PLXNA3: variants seen among roughly 807,000 people sequenced by gnomAD.
PLXNA3 encodes the protein plexin-A3.
PLXNA3 carries 52 observed loss-of-function variants against 118.8 expected under a neutral mutation model. The ratio of observed to expected loss-of-function variants is 0.44; its 90% CI spans 0.35 to 0.55. The LOEUF is 0.55. Ranked by LOEUF, PLXNA3 falls within the 20% of genes least tolerant of loss-of-function variation. The probability of loss-of-function intolerance (pLI) is 0.01; values close to 1 mark genes in which losing one functional copy is unlikely to be tolerated. For missense variants in PLXNA3, 1,660 were observed against 1,730.8 expected (o/e 0.96, Z 0.73); for synonymous variants, 925 against 762.4 (o/e 1.21, Z -3.51).
chrX:154,463,119 TCA>T (rs2069005223), intron 4 of PLXNA3, among the ~76,000 whole-genome samples: 1 of 111,397 alleles, frequency 9.0e-6, no homozygotes, highest in African/African-American at 3.3e-5. Context: ...CGCCACTACC[TCA>T]TTCTCCTAAT....
Position 154,463,487 on chromosome X carries a change from C to T in PLXNA3, c.1414C>T (p.His472Tyr), listed in dbSNP as rs781894603. 2.5e-6 allele frequency: 3 copies of T among 1,208,016 alleles called. No homozygotes were observed. The highest frequency in any genetic ancestry group is 3.4e-6 in the Non-Finnish European group (3 of 894,594). The change falls in exon 5 of 33, where the codon CAC (histidine) becomes TAC (tyrosine). Residue 472 changes from histidine to tyrosine, a missense_variant. Transcript: ENST00000369682. The part of the protein sequence containing the change: ...ILRDLLFSPD[H>Y]RHIYLLSEKQ... ...CCGAGACCTGCTCTTCAGCCCGGAC[C>T]ACCGGCACATCTATCTCCTGAGTGA...
rs1557206410 is a variant in PLXNA3 at position 154,464,873 on chromosome X, G to A, written c.2043+5G>A. On this transcript the variant is annotated splice_donor_5th_base_variant and intron_variant, in intron 10 of 32. Transcript: ENST00000369682. Reference sequence around the variant, plus strand: ...GGCAGGGTCCACAGCCCTGAGGTGAGGCGGGCGCCGCATGTGAGGGGCTGG... The same window carrying A: ...GGCAGGGTCCACAGCCCTGAGGTGAAGCGGGCGCCGCATGTGAGGGGCTGG... 1 of 1,161,085 alleles carries A rather than the reference G, an allele frequency of 8.6e-7. No individual in the cohort carries two copies. The highest frequency in any genetic ancestry group is 1.2e-6 in the Non-Finnish European group (1 of 857,725).
At position 154,460,121 on chromosome X, in the gene PLXNA3, C is replaced by G. The variant is rs1013943546; in HGVS notation, c.-27-36C>G. On this transcript the variant is annotated intron_variant, in intron 1 of 32. Coordinates refer to ENST00000369682, the MANE Select transcript of PLXNA3 (RefSeq NM_017514.5). ...GTGAATGGCCCAGCCCTCTGTGGCT[C>G]GAGGCCTCTGACTCCCACACACCGT... 3.0e-4 allele frequency: 234 copies of G among 790,423 alleles called. No individual in the cohort carries two copies. In the African/African-American group the frequency reaches 4.3e-3, roughly 15 times the overall value. The allele number at this position is 790,423 out of a possible 1,213,427, so 65.1% of individuals were successfully genotyped here.
chrX:154,465,836 C>T lies in PLXNA3; in HGVS notation c.2521C>T (p.Arg841Cys), dbSNP rs782496931. The change falls in exon 13 of 33, where the codon CGC becomes TGC. Residue 841 changes from arginine (R) to cysteine (C), a missense_variant. By Grantham distance (180) the Arg-to-Cys change is radical. Transcript: ENST00000369682. ...SQKGTRCSHPRITQIHPLVGP... is the reference protein window; with the variant it reads ...SQKGTRCSHPCITQIHPLVGP... ...GAAGGGCACCCGGTGCAGCCACCCC[C>T]GCATCACGCAGGTCAGCCTCCCTCA... is the stretch of plus-strand genomic sequence containing the variant. 1.5e-5 allele frequency: 18 copies of T among 1,204,738 alleles called. No homozygotes were observed. The East Asian group carries it at 4.2e-4, about 28-fold the overall frequency.
At chrX:154,459,481 G>C in intron 1 of PLXNA3, among the ~76,000 whole-genome samples, 1 of 112,683 alleles carries the variant, frequency 8.9e-6, no homozygotes, top group African/African-American at 3.2e-5. Flanking sequence ...CCTGGGTCTG[G>C]AGGGGGAGCC....
chrX:154,468,325 C>T lies in PLXNA3; in HGVS notation c.3986C>T (p.Ala1329Val). The T allele has an allele frequency of 1.7e-6, 2 of 1,208,163 alleles. No individual in the cohort carries two copies. The highest frequency in any genetic ancestry group is 2.2e-6 in the Non-Finnish European group (2 of 893,978). ...CAGACGCCACCCAACGTGGAGAAGG[C>T]CCTGCGCCTCTTCGGGCAGCTGCTG... ...ELDTPPNVEK[A>V]LRLFGQLLHS... Residue 1329 changes from alanine to valine, a missense_variant, in exon 23 of 33, where the codon GCC becomes GTC. Around this residue, in one of 2 missense-constraint regions of PLXNA3, gnomAD observed 869 missense variants for 1,078.7 expected, o/e 0.81. Transcript: ENST00000369682.
chrX:154,467,394 T>G lies in PLXNA3; in HGVS notation c.3364T>G (p.Tyr1122Asp). 1 of 1,202,210 alleles carries G rather than the reference T, an allele frequency of 8.3e-7. No individual in the cohort carries two copies. The highest frequency in any genetic ancestry group is 1.1e-6 in the Non-Finnish European group (1 of 894,857). Residue 1122 changes from tyrosine (Y) to aspartate (D), a missense_variant, in exon 19 of 33, where the codon TAC becomes GAC. By Grantham distance (160) the Tyr-to-Asp change is radical. This residue lies in a region of PLXNA3 where 869 missense variants were observed against 1,078.7 expected (regional missense o/e 0.81). Coordinates refer to ENST00000369682, the MANE Select transcript of PLXNA3 (RefSeq NM_017514.5). ...RSLNRSSFTY[Y>D]PDPSFEPLGP... is the part of the protein sequence containing the mutation. ...CCTCAACCGCTCCTCCTTTACCTAC[T>G]ACCCTGATCCCAGCTTTGAGCCGCT...
chrX:154,460,845 C>G (rs910929374), intron 2 of PLXNA3, 68 bp downstream of exon 2: 4 of 853,152 alleles, frequency 4.7e-6, no homozygotes, highest in Non-Finnish European at 6.5e-6. Context: ...GAGCCCTGTT[C>G]TTTCTGAGAG....
intron 8 of PLXNA3, 25 bp from the exon 9 acceptor site, chrX:154,464,377 C>G: frequency 8.3e-7 from 1 of 1,204,264 alleles, no homozygotes; most frequent in Non-Finnish European, 1.1e-6. Context: ...CCAGCGAGTT[C>G]ACGGCCACCC....
chrX:154,468,609 CCCCCTGTCCAAGCCCCA>C (rs1569554640), intron 23 of PLXNA3, 37 bp from the exon 24 acceptor site: 1 of 1,207,286 alleles, frequency 8.3e-7, no homozygotes, highest in Non-Finnish European at 1.1e-6. Context: ...CCTGGGCCTG[CCCCCTGTCCAAGCCCCA>C]CCCCTGCCAG....
At chrX:154,459,265 C>T (rs980645902) in intron 1 of PLXNA3, among the ~76,000 whole-genome samples, 2 of 109,619 alleles carry the variant, frequency 1.8e-5, no homozygotes, top group Non-Finnish European at 3.8e-5. Context: ...TTGGCTGCCA[C>T]GACACTGCTC....
At position 154,467,365 on chromosome X, in the gene PLXNA3, G is replaced by T; in HGVS notation, c.3335G>T (p.Arg1112Leu). ...GFLLDHVQTARSLNRSSFTYY... is the reference protein window; with the variant it reads ...GFLLDHVQTALSLNRSSFTYY... ...CTGCTGGACCACGTGCAAACGGCCC[G>T]CTCCCTCAACCGCTCCTCCTTTACC... Residue 1112 changes from arginine to leucine, a missense_variant, in exon 19 of 33, where the codon CGC becomes CTC. Around this residue, in one of 2 missense-constraint regions of PLXNA3, gnomAD observed 869 missense variants for 1,078.7 expected, o/e 0.81. Transcript: ENST00000369682. 1 of 1,204,371 alleles carries T rather than the reference G, an allele frequency of 8.3e-7. No individual in the cohort carries two copies. Among genetic ancestry groups the T allele is most frequent in the Non-Finnish European group, 1.1e-6 (1 of 895,351 alleles).
intron 2 of PLXNA3, 22 bp from the exon 3 acceptor site, chrX:154,461,077 G>C (rs201003572): frequency 9.4e-6 from 11 of 1,173,274 alleles, no homozygotes; most frequent in South Asian, 1.9e-5. Flanking sequence ...ACCGGATGCT[G>C]TCTCCTCCCC....
Position 154,465,521 on chromosome X carries a change from G to C in PLXNA3, c.2341+1G>C. On this transcript the variant is annotated splice_donor_variant, in intron 12 of 32. Coordinates refer to ENST00000369682, the MANE Select transcript of PLXNA3 (RefSeq NM_017514.5). LOFTEE classifies it high-confidence loss of function. ...ATAGACAAGCCTCCCAGCTTCCGAG[G>C]TGAAGGCATGGGCCAGGGAGCTTCC... 1 of 1,195,425 alleles carries C rather than the reference G, an allele frequency of 8.4e-7. No homozygotes were observed. Among genetic ancestry groups the C allele is most frequent in the Non-Finnish European group, 1.1e-6 (1 of 880,806 alleles).
intron 3 of PLXNA3, among the ~76,000 whole-genome samples, chrX:154,461,908 G>C (rs1334184867): frequency 2.7e-5 from 3 of 112,186 alleles, no homozygotes; most frequent in Non-Finnish European, 5.6e-5. Flanking sequence ...GAGCCAACAA[G>C]AGTCTTGTGG....
chrX:154,464,631 C>G lies in PLXNA3; in HGVS notation c.1929-123C>G, dbSNP rs781920536. ...GTCAGGCCCTGATAGCCCCTGACAT[C>G]CCCACATCTCTCTGTCCCCTGATAT... On this transcript the variant is annotated intron_variant, in intron 9 of 32. Transcript: ENST00000369682. 135 of 683,896 alleles carry G rather than the reference C, an allele frequency of 2.0e-4. 1 individual carries two copies. Among genetic ancestry groups the G allele is most frequent in the Non-Finnish European group, 2.7e-4 (123 of 451,197 alleles). 56.4% of individuals were successfully genotyped at this position (683,896 alleles called of 1,213,427 possible). A position where few individuals can be genotyped will look rare whatever the true frequency, so the allele number is the denominator to read the frequency against.
chrX:154,462,056 C>G, intron 3 of PLXNA3, 72 bp from the exon 4 acceptor site: 1 of 908,978 alleles, frequency 1.1e-6, no homozygotes, highest in East Asian at 3.3e-5. Flanking sequence ...TCTTCTGGGA[C>G]ACAGGAACTG....
chrX:154,465,291 A>G (rs963967674), intron 11 of PLXNA3, 73 bp downstream of exon 11: 3 of 1,068,126 alleles, frequency 2.8e-6, no homozygotes, highest in South Asian at 3.9e-5. Flanking sequence ...GTCTATGCCC[A>G]GCTCTCTGGC....
chrX:154,459,015 C>G (rs2068889428), intron 1 of PLXNA3, among the ~76,000 whole-genome samples: 1 of 111,622 alleles, frequency 9.0e-6, no homozygotes, highest in African/African-American at 3.3e-5. Flanking sequence ...CATGAGGGGT[C>G]CAGCTGACAA....
Sources: gnomAD v4.1 joint callset for allele counts (sites outside exome capture counted in the v4.1 genomes callset) on GRCh38, gnomAD v4.1.1 for gene constraint, gnomAD v4.1.1 regional missense constraint, MANE v1.5 for transcripts, NCBI Gene and HGNC (gene_info 2026-07-23, HGNC 2026-07-21) for gene names.